The following UNC5D variants were observed in gnomAD, a reference collection of about 807,000 sequenced individuals.
UNC5D encodes netrin receptor UNC5D.
In UNC5D, 39 loss-of-function variants were observed where a neutral mutation model predicts 105.4. That is an observed-to-expected ratio of 0.37 (90% CI 0.29 to 0.48). UNC5D has a LOEUF of 0.48. Ranked by LOEUF, UNC5D falls within the 20% of genes least tolerant of loss-of-function variation. The pLI is 0.98. For missense variants in UNC5D, 991 were observed against 1,202.4 expected, an observed-to-expected ratio of 0.82 and a Z score of 2.60; for synonymous variants, 452 against 450.4, an observed-to-expected ratio of 1.00 and a Z score of -0.04.
At chr8:35,751,894 C>T (rs910900822) in intron 13 of UNC5D, among the ~76,000 whole-genome samples, 1 of 151,862 alleles carries the variant, frequency 6.6e-6, no homozygotes, top group African/African-American at 2.4e-5. Context: ...TGGATGGATG[C>T]GATTTAGGAA....
intron 1 of UNC5D, among the ~76,000 whole-genome samples, chr8:35,428,194 T>C (rs1406240157): frequency 1.3e-5 from 2 of 152,012 alleles, no homozygotes; most frequent in African/African-American, 2.4e-5. Context: ...CTTCCTCTTT[T>C]TGAGACAAAG....
At chr8:35,376,460 G>A (rs1043804141) in intron 1 of UNC5D, among the ~76,000 whole-genome samples, 5 of 152,114 alleles carry the variant, frequency 3.3e-5, no homozygotes, top group Non-Finnish European at 5.9e-5. Context: ...GTGTAAATTG[G>A]GGGTGCCTAG....
At chr8:35,379,094 T>C (rs1161851582) in intron 1 of UNC5D, among the ~76,000 whole-genome samples, 1 of 152,170 alleles carries the variant, frequency 6.6e-6, no homozygotes, top group African/African-American at 2.4e-5. Context: ...ATTTCCTCCA[T>C]TGCTGACTGG....
chr8:35,334,606 A>G (rs1810880842), intron 1 of UNC5D, among the ~76,000 whole-genome samples: 1 of 151,796 alleles, frequency 6.6e-6, no homozygotes, highest in African/African-American at 2.4e-5. Context: ...TCCGTCTCCC[A>G]GATTCAAGCA....
chr8:35,612,951 G>A (rs763618088), intron 4 of UNC5D, among the ~76,000 whole-genome samples: 3 of 151,958 alleles, frequency 2.0e-5, no homozygotes, highest in Admixed American at 6.6e-5. Flanking sequence ...AGGTGGTCTC[G>A]TACAAGATGG....
chr8:35,668,394 CT>C (rs1242023866), intron 4 of UNC5D, among the ~76,000 whole-genome samples: 3 of 152,098 alleles, frequency 2.0e-5, no homozygotes, highest in Non-Finnish European at 2.9e-5. Context: ...TATAACGACA[CT>C]TTGTCATGCT....
chr8:35,756,734 A>G (rs536704334), intron 13 of UNC5D, among the ~76,000 whole-genome samples: 57 of 152,226 alleles, frequency 3.7e-4, no homozygotes, highest in African/African-American at 1.3e-3. Context: ...TCATGTGTAA[A>G]TAAGGCACTT....
intron 8 of UNC5D, among the ~76,000 whole-genome samples, chr8:35,712,579 C>T (rs923306550): frequency 2.6e-5 from 4 of 152,192 alleles, no homozygotes; most frequent in Non-Finnish European, 5.9e-5. Context: ...TAGGTATGCT[C>T]TTCTCACTGA....
At chr8:35,711,919 AT>A (rs1354753839) in intron 8 of UNC5D, among the ~76,000 whole-genome samples, 1 of 152,202 alleles carries the variant, frequency 6.6e-6, no homozygotes, top group Non-Finnish European at 1.5e-5. Flanking sequence ...GCATGTAGAT[AT>A]TCAATTAATA....
intron 8 of UNC5D, chr8:35,721,580 C>T: frequency 2.9e-6 from 2 of 696,488 alleles, no homozygotes; most frequent in Admixed American, 2.0e-5. Flanking sequence ...GACTTAACAG[C>T]ACCTGGGACC....
In UNC5D at chr8:35,383,943, G is replaced by A. The variant is rs1001112864; in HGVS notation, c.103+148056G>A. ...AAAAAATAAAAATAAGAGGCTGGGC[G>A]CGGTGGCTCACGCCTGTCATCCCAG... On this transcript the variant is annotated intron_variant, in intron 1 of 16. Coordinates refer to ENST00000404895, the MANE Select transcript of UNC5D (RefSeq NM_080872.4). Among the ~76,000 whole-genome samples the A allele has an allele frequency of 1.5e-4, 23 of 152,026 alleles. No homozygotes were observed. The East Asian group carries it at 2.1e-3, about 14-fold the overall frequency.
At chr8:35,586,499 G>C (rs1329471689) in intron 3 of UNC5D, among the ~76,000 whole-genome samples, 1 of 152,118 alleles carries the variant, frequency 6.6e-6, no homozygotes, top group African/African-American at 2.4e-5. Flanking sequence ...GAACCACATG[G>C]AAGCACCAGG....
rs183956461 is a variant in UNC5D at position 35,364,443 on chromosome 8, T to C, written c.103+128556T>C. On this transcript the variant is annotated intron_variant, in intron 1 of 16. Transcript: ENST00000404895. ...CTAAAGCACTTTTCCTATTTTATGA[T>C]ACCACAAGCTATTCCAGGCTCATCT... is the stretch of plus-strand genomic sequence containing the variant. Among the ~76,000 whole-genome samples, 3 of 152,324 alleles carry C rather than the reference T, an allele frequency of 2.0e-5. No homozygotes were observed. The East Asian group carries it at 5.8e-4, about 29-fold the overall frequency.
intron 1 of UNC5D, among the ~76,000 whole-genome samples, chr8:35,388,192 C>G (rs144515329): frequency 9.2e-5 from 14 of 151,740 alleles, no homozygotes; most frequent in Admixed American, 4.6e-4. Flanking sequence ...TGGTAAACCC[C>G]GTCTCTACTA....
chr8:35,750,630 G>A lies in UNC5D; in HGVS notation c.1984G>A (p.Asp662Asn). 6.2e-7 allele frequency: 1 copy of A among 1,614,006 alleles called. No homozygotes were observed. The highest frequency in any genetic ancestry group is 1.1e-5 in the South Asian group (1 of 91,080). ...DESTSCYCLLDPFACHVLLDS... is the reference protein window; with the variant it reads ...DESTSCYCLLNPFACHVLLDS... ...ATCTACATCCTGTTACTGCCTTTTG[G>A]ACCCCTTTGCGTGTCATGTGCTCCT... The change falls in exon 13 of 17, where the codon GAC becomes AAC. Residue 662 changes from aspartate (D) to asparagine (N), a missense_variant. Asp to Asn is a conservative substitution (Grantham distance 23, BLOSUM62 1). Around this residue, in one of 3 missense-constraint regions of UNC5D, gnomAD observed 944 missense variants for 1,131.6 expected, o/e 0.83. Coordinates refer to ENST00000404895, the MANE Select transcript of UNC5D (RefSeq NM_080872.4).
At chr8:35,651,940 G>A (rs936498789) in intron 4 of UNC5D, among the ~76,000 whole-genome samples, 9 of 152,258 alleles carry the variant, frequency 5.9e-5, no homozygotes, top group Admixed American at 5.2e-4. Flanking sequence ...TTTCAGATAT[G>A]TACAAATGGT....
intron 4 of UNC5D, among the ~76,000 whole-genome samples, chr8:35,673,384 C>A (rs1824960435): frequency 6.6e-6 from 1 of 152,144 alleles, no homozygotes; most frequent in South Asian, 2.1e-4. Flanking sequence ...CCTTTGGAGA[C>A]TTATTAGACA....
chr8:35,406,131 G>A (rs1380968122), intron 1 of UNC5D, among the ~76,000 whole-genome samples: 4 of 151,904 alleles, frequency 2.6e-5, no homozygotes, highest in African/African-American at 4.8e-5. Flanking sequence ...TGCCTCAAAC[G>A]GGATAGACTA....
chr8:35,447,294 C>T (rs1406016486), intron 1 of UNC5D, among the ~76,000 whole-genome samples: 2 of 152,020 alleles, frequency 1.3e-5, no homozygotes, highest in Non-Finnish European at 2.9e-5. Flanking sequence ...TGTAATTTAA[C>T]TTTATTTATA....
Sources: gnomAD v4.1 joint callset for allele counts (sites outside exome capture counted in the v4.1 genomes callset) on GRCh38, gnomAD v4.1.1 for gene constraint, gnomAD v4.1.1 regional missense constraint, MANE v1.5 for transcripts, NCBI Gene and HGNC (gene_info 2026-07-23, HGNC 2026-07-21) for gene names.